The following STON1 variants were observed in gnomAD, a reference collection of about 807,000 sequenced individuals.
STON1 encodes the protein stonin-1.
A neutral mutation model predicts 60.9 loss-of-function variants in STON1; 79 were observed. The observed-to-expected ratio is 1.30, with a 90% CI of 1.08 to 1.56. The LOEUF (loss-of-function observed/expected upper bound fraction) is 1.56, where lower values mean the gene tolerates loss of function less well. Among genes scored for constraint, STON1 ranks in the 40% most tolerant of loss-of-function variants. The pLI, the probability that STON1 is intolerant of heterozygous loss-of-function variation, is 0.00. For missense variants in STON1, 1,166 were observed against 858.9 expected, an observed-to-expected ratio of 1.36 and a Z score of -4.47; for synonymous variants, 363 against 306.9, an observed-to-expected ratio of 1.18 and a Z score of -1.91.
chr2:48,595,259 A>G lies in STON1; in HGVS notation c.2165A>G (p.Asp722Gly). Residue 722 changes from aspartate to glycine, a missense_variant, in exon 4 of 4, where the codon GAT becomes GGT. Transcript: ENST00000404752. ...ATAGAAAAGAAGTGGATTAAAATCG[A>G]TGGAGAAGACCCAGATAAAATTGGT... ...VEIEKKWIKI[D>G]GEDPDKIGDC... is the part of the protein sequence containing the mutation. The G allele has an allele frequency of 6.2e-7, 1 of 1,613,972 alleles. No homozygotes were observed. The highest frequency in any genetic ancestry group is 8.5e-7 in the Non-Finnish European group (1 of 1,179,840).
intron 2 of STON1, among the ~76,000 whole-genome samples, chr2:48,590,636 AACAC>A (rs6146756): frequency 2.1e-5 from 3 of 142,118 alleles, no homozygotes; most frequent in East Asian, 4.2e-4. Context: ...ATTTCCTTAT[AACAC>A]ACACACACAC....
intron 3 of STON1, among the ~76,000 whole-genome samples, chr2:48,592,793 T>C (rs1674597209): frequency 6.6e-6 from 1 of 151,970 alleles, no homozygotes; most frequent in Non-Finnish European, 1.5e-5. Context: ...TTTAAATTTT[T>C]AAATAGAGAT....
At chr2:48,563,727 A>C (rs573508117) in intron 1 of STON1, among the ~76,000 whole-genome samples, 1 of 150,798 alleles carries the variant, frequency 6.6e-6, no homozygotes. Flanking sequence ...ACGTGGTCTC[A>C]CTGTGATTCA....
At chr2:48,556,211 C>A (rs1263893458) in intron 1 of STON1, among the ~76,000 whole-genome samples, 3 of 31,812 alleles carry the variant, frequency 9.4e-5, no homozygotes, top group South Asian at 1.8e-3. Flanking sequence ...GCTGGCCAGG[C>A]GGGGGGCTGA....
intron 1 of STON1, among the ~76,000 whole-genome samples, chr2:48,572,942 CCTGGG>C (rs1363588843): frequency 2.0e-5 from 3 of 152,222 alleles, no homozygotes; most frequent in Non-Finnish European, 2.9e-5. Context: ...GAGCCAGCAG[CCTGGG>C]CTGCCCTCCG....
In STON1 at chr2:48,598,382, A is replaced by G. The variant is rs962371998; in HGVS notation, c.*3080A>G. The G allele has an allele frequency of 5.7e-4, 87 of 152,656 alleles. No individual in the cohort carries two copies. The highest frequency in any genetic ancestry group is 9.0e-4 in the Non-Finnish European group (61 of 68,044). The allele number at this position is 152,656 out of a possible 1,614,324, so 9.5% of individuals were successfully genotyped here. On this transcript the variant is annotated 3_prime_UTR_variant, in exon 4 of 4. Transcript: ENST00000404752. ...GGACTTCCTTAACAATGACTATTAT[A>G]ATGTCTTACTTAAAATACAGTTTTG...
At chr2:48,544,703 G>A (rs965998465) in intron 1 of STON1, among the ~76,000 whole-genome samples, 2 of 151,966 alleles carry the variant, frequency 1.3e-5, no homozygotes, top group African/African-American at 4.8e-5. Context: ...CCACCACCAT[G>A]CCTGGCTAGT....
intron 1 of STON1, among the ~76,000 whole-genome samples, chr2:48,552,393 G>C (rs1171678774): frequency 1.3e-5 from 2 of 152,152 alleles, no homozygotes; most frequent in Non-Finnish European, 2.9e-5. Context: ...TTTTAGTTTG[G>C]AAAGATGAAA....
intron 1 of STON1, among the ~76,000 whole-genome samples, chr2:48,570,846 T>G (rs77408946): frequency 1.9e-5 from 2 of 105,254 alleles, no homozygotes; most frequent in African/African-American, 7.3e-5. Context: ...TCTCTGAGTT[T>G]TTTTTTTTTT....
intron 1 of STON1, among the ~76,000 whole-genome samples, chr2:48,533,449 G>T (rs2103727094): frequency 6.6e-6 from 1 of 151,902 alleles, no homozygotes. Context: ...AACATTTTGG[G>T]AGGCCACGGC....
At chr2:48,589,551 C>G (rs1674399485) in intron 2 of STON1, among the ~76,000 whole-genome samples, 1 of 152,192 alleles carries the variant, frequency 6.6e-6, no homozygotes, top group Admixed American at 6.5e-5. Flanking sequence ...GAGCATTTAG[C>G]ATTTTCAAAA....
intron 1 of STON1, among the ~76,000 whole-genome samples, chr2:48,540,690 G>GGC (rs1671617130): frequency 6.6e-6 from 1 of 152,174 alleles, no homozygotes; most frequent in African/African-American, 2.4e-5. Flanking sequence ...ACCCAAAGAC[G>GGC]GCGCTCTTGA....
chr2:48,583,825 T>C (rs1222677972), intron 2 of STON1, among the ~76,000 whole-genome samples: 5 of 151,634 alleles, frequency 3.3e-5, no homozygotes, highest in African/African-American at 9.7e-5. Context: ...AATCTCGGCT[T>C]ACTGCAACCT....
intron 1 of STON1, among the ~76,000 whole-genome samples, chr2:48,574,978 T>G (rs944508288): frequency 1.2e-4 from 19 of 152,242 alleles, no homozygotes; most frequent in African/African-American, 4.3e-4. Context: ...CTTTTCATCT[T>G]ACATAACTGA....
At chr2:48,571,321 G>T (rs1452082941) in intron 1 of STON1, among the ~76,000 whole-genome samples, 2 of 152,194 alleles carry the variant, frequency 1.3e-5, no homozygotes, top group Non-Finnish European at 2.9e-5. Context: ...GAGGAAGGCA[G>T]CTGGGGACTT....
intron 1 of STON1, among the ~76,000 whole-genome samples, chr2:48,550,374 G>T (rs1433148211): frequency 6.7e-6 from 1 of 149,660 alleles, no homozygotes; most frequent in African/African-American, 2.5e-5. Context: ...GTGCGTGCCT[G>T]TAATCCCAGC....
At chr2:48,533,852 C>T (rs1411068970) in intron 1 of STON1, among the ~76,000 whole-genome samples, 1 of 149,688 alleles carries the variant, frequency 6.7e-6, no homozygotes, top group African/African-American at 2.5e-5. Flanking sequence ...TTATCGCAAC[C>T]TCCACCTCCT....
In STON1 at chr2:48,592,595, CTATTAT is replaced by C. The variant is rs3047606; in HGVS notation, c.2133+772_2133+777del. Among the ~76,000 whole-genome samples, 1,174 of 136,542 alleles carry C rather than the reference CTATTAT, an allele frequency of 8.6e-3. 11 individuals are homozygous for C. Among genetic ancestry groups the C allele is most frequent in the African/African-American group, 0.011 (392 of 36,710 alleles). The allele number at this position is 136,542 out of a possible 152,430, so 89.6% of individuals were successfully genotyped here. ...TACAGCCACCCACCACCACACCCAG[CTATTAT>C]TATTATTATTATTATTATTATTATT... On this transcript the variant is annotated intron_variant, in intron 3 of 3. Transcript: ENST00000404752.
chr2:48,565,293 C>T (rs1411810274), intron 1 of STON1, among the ~76,000 whole-genome samples: 1 of 152,012 alleles, frequency 6.6e-6, no homozygotes, highest in Non-Finnish European at 1.5e-5. Flanking sequence ...ACCTCGTGAT[C>T]CACCCGCCTC....
Sources: allele counts gnomAD v4.1 joint callset (sites outside exome capture counted in the v4.1 genomes callset), GRCh38; gene constraint gnomAD v4.1.1; transcripts MANE v1.5; gene names NCBI Gene and HGNC (gene_info 2026-07-23, HGNC 2026-07-21).